The following TTC6 variants were observed in gnomAD, a reference collection of about 807,000 sequenced individuals.
TTC6 encodes tetratricopeptide repeat domain 6, also known as tetratricopeptide repeat protein 6.
Under a neutral mutation model 210.4 loss-of-function variants are expected in TTC6, and 172 were observed. The ratio of observed to expected loss-of-function variants is 0.82; its 90% CI spans 0.72 to 0.93. TTC6 has a LOEUF of 0.93. Ranked by LOEUF, TTC6 falls within the 40% of genes least tolerant of loss-of-function variation. The probability of loss-of-function intolerance (pLI) is 0.00; values close to 1 mark genes in which losing one functional copy is unlikely to be tolerated. For synonymous variants in TTC6, 804 were observed against 819.6 expected (o/e 0.98, Z 0.32); for missense variants, 2,414 against 2,318.1 (o/e 1.04, Z -0.85).
intron 25 of TTC6, among the ~76,000 whole-genome samples, chr14:37,816,603 G>A (rs1173559155): frequency 2.0e-5 from 3 of 152,092 alleles, no homozygotes; most frequent in Admixed American, 6.5e-5. Flanking sequence ...TGGGGAAAAA[G>A]CAGTGCTATT....
chr14:37,735,038 A>T (rs2138912778), intron 7 of TTC6, among the ~76,000 whole-genome samples: 1 of 152,264 alleles, frequency 6.6e-6, no homozygotes, highest in Middle Eastern at 3.4e-3. Flanking sequence ...TAATGATGAA[A>T]GTGACCAAGT....
In TTC6 at chr14:37,598,751, G is replaced by A. The variant is rs1268830546; in HGVS notation, c.-235+2743G>A. ...GGACCGCAGGGTTGGCAGACAGCAGGGCCTGGGCCGGCGGGGCTCTGCGGT... is the reference window on the plus strand; with the variant it reads ...GGACCGCAGGGTTGGCAGACAGCAGAGCCTGGGCCGGCGGGGCTCTGCGGT... On this transcript the variant is annotated intron_variant, in intron 1 of 2. Transcript: ENST00000556845. The surrounding 1 kb of genome is among the most constrained non-coding windows in gnomAD (Gnocchi z 4.9). Among the ~76,000 whole-genome samples the A allele has an allele frequency of 6.6e-6, 1 of 152,180 alleles. No homozygotes were observed. The highest frequency in any genetic ancestry group is 1.5e-5 in the Non-Finnish European group (1 of 68,028).
At chr14:37,705,330 GATT>G (rs1410837083) in intron 5 of TTC6, among the ~76,000 whole-genome samples, 2 of 152,086 alleles carry the variant, frequency 1.3e-5, no homozygotes, top group East Asian at 3.9e-4. Flanking sequence ...TTTCATTTTT[GATT>G]ATTTTTTTAC....
intron 2 of TTC6, among the ~76,000 whole-genome samples, chr14:37,616,687 A>G (rs1229232956): frequency 2.1e-5 from 3 of 144,624 alleles, no homozygotes; most frequent in African/African-American, 7.8e-5. Context: ...ACAGAGTGAT[A>G]CTCTGCCTCA....
intron 1 of TTC6, among the ~76,000 whole-genome samples, chr14:37,659,966 A>C (rs1411400480): frequency 6.6e-6 from 1 of 152,042 alleles, no homozygotes; most frequent in Non-Finnish European, 1.5e-5. Context: ...TTTTCTTGGA[A>C]ATTTGTTTAA....
At chr14:37,820,870 C>T (rs1368407749) in intron 26 of TTC6, among the ~76,000 whole-genome samples, 1 of 147,164 alleles carries the variant, frequency 6.8e-6, no homozygotes, top group Non-Finnish European at 1.5e-5. Flanking sequence ...CTTCTTCTTC[C>T]TCCTTCTCCT....
intron 20 of TTC6, among the ~76,000 whole-genome samples, chr14:37,803,342 T>C (rs1324478961): frequency 6.6e-6 from 1 of 152,202 alleles, no homozygotes; most frequent in Non-Finnish European, 1.5e-5. Context: ...AAAAAAATTT[T>C]TTTGAATTAT....
At chr14:37,759,326 C>T (rs1172587064) in intron 14 of TTC6, among the ~76,000 whole-genome samples, 1 of 151,796 alleles carries the variant, frequency 6.6e-6, no homozygotes, top group Non-Finnish European at 1.5e-5. Flanking sequence ...TTGAATATTG[C>T]CACCCCACTC....
chr14:37,660,587 A>G (rs1397504335), intron 1 of TTC6, among the ~76,000 whole-genome samples: 1 of 152,202 alleles, frequency 6.6e-6, no homozygotes, highest in Admixed American at 6.5e-5. Context: ...TATCCAGTCC[A>G]TCACTGATGA....
chr14:37,747,903 G>A (rs903342633), intron 10 of TTC6, among the ~76,000 whole-genome samples: 2 of 152,192 alleles, frequency 1.3e-5, no homozygotes, highest in Non-Finnish European at 2.9e-5. Context: ...TGGAAAATAG[G>A]GAATGAGGGA....
chr14:37,747,567 G>A (rs2095939889), intron 10 of TTC6, among the ~76,000 whole-genome samples: 1 of 152,132 alleles, frequency 6.6e-6, no homozygotes, highest in Admixed American at 6.5e-5. Context: ...GTAGTTTGAG[G>A]AGACCCTTCA....
chr14:37,748,013 A>G (rs1201612941), intron 10 of TTC6, among the ~76,000 whole-genome samples: 1 of 152,172 alleles, frequency 6.6e-6, no homozygotes, highest in East Asian at 1.9e-4. Context: ...AAGCTCCTGG[A>G]GGAGTGATGT....
chr14:37,803,331 TA>T (rs923647569), intron 20 of TTC6, among the ~76,000 whole-genome samples: 3 of 152,310 alleles, frequency 2.0e-5, no homozygotes, highest in African/African-American at 4.8e-5. Context: ...AGCATATAGT[TA>T]AAAAAATTTT....
At chr14:37,820,789 G>A (rs1298164169) in intron 26 of TTC6, among the ~76,000 whole-genome samples, 1 of 152,138 alleles carries the variant, frequency 6.6e-6, no homozygotes, top group Admixed American at 6.5e-5. Flanking sequence ...TACACAGAAT[G>A]ACTATGATTC....
intron 10 of TTC6, among the ~76,000 whole-genome samples, chr14:37,748,327 T>C (rs1213211733): frequency 1.3e-5 from 2 of 152,244 alleles, no homozygotes; most frequent in African/African-American, 2.4e-5. Flanking sequence ...TCCGATAGAC[T>C]GAGTTTATTC....
rs35369139 is a variant in TTC6, at chr14:37,742,584, A to ATTT, written c.2363+3440_2363+3442dup. The stretch of plus-strand genomic sequence containing the variant: ...GCCACCAAGTGTGGCTAATTTTTGC[A>ATTT]TTTTTTTTTTTTTGGTAGAGGCAGG... On this transcript the variant is annotated intron_variant, in intron 10 of 30. Transcript: ENST00000553443. 3.4e-3 allele frequency among the ~76,000 whole-genome samples: 493 copies of ATTT among 145,914 alleles called. 7 individuals carry two copies. The highest frequency in any genetic ancestry group is 6.5e-3 in the East Asian group (32 of 4,938).
chr14:37,769,470 C>G (rs936278455), intron 14 of TTC6, among the ~76,000 whole-genome samples: 24 of 152,238 alleles, frequency 1.6e-4, no homozygotes, highest in African/African-American at 3.1e-4. Flanking sequence ...ATTATTGCCA[C>G]AATTTCAGCT....
At chr14:37,727,329 T>C (rs2208864) in intron 7 of TTC6, among the ~76,000 whole-genome samples, 137,637 of 138,266 alleles carry the variant, frequency 1, 68,506 homozygotes, top group Middle Eastern at 1. Context: ...CAGTCTTACT[T>C]TATCACCAGG....
intron 15 of TTC6, among the ~76,000 whole-genome samples, chr14:37,790,076 T>C (rs2096076064): frequency 6.6e-6 from 1 of 152,072 alleles, no homozygotes; most frequent in African/African-American, 2.4e-5. Context: ...CCTGGATTAC[T>C]GAGAGGAGGT....
Sources: gnomAD v4.1 joint callset for allele counts (sites outside exome capture counted in the v4.1 genomes callset) on GRCh38, gnomAD v4.1.1 for gene constraint, Gnocchi (gnomAD v3.1) non-coding constraint, MANE v1.5 for transcripts, NCBI Gene and HGNC (gene_info 2026-07-23, HGNC 2026-07-21) for gene names.